Variants in MX1 observed in about 807,000 individuals in gnomAD.
MX1 encodes MX dynamin like GTPase 1, also known as interferon-induced GTP-binding protein Mx1.
A neutral mutation model predicts 66.4 loss-of-function variants in MX1; 66 were observed. The ratio of observed to expected loss-of-function variants is 0.99; its 90% CI spans 0.82 to 1.22. The LOEUF (loss-of-function observed/expected upper bound fraction) is 1.22. Among genes scored for constraint, MX1 ranks in the 50% most tolerant of loss-of-function variants. The probability of loss-of-function intolerance (pLI) is 0.00; values close to 1 mark genes in which losing one functional copy is unlikely to be tolerated. For synonymous variants in MX1, 311 were observed against 318.1 expected (o/e 0.98, Z 0.24); for missense variants, 787 against 834.3 (o/e 0.94, Z 0.70).
chr21:41,424,223 T>TTG (rs2090021044), upstream of MX1, among the ~76,000 whole-genome samples: 1 of 95,056 alleles, frequency 1.1e-5, no homozygotes, highest in African/African-American at 5.9e-5. Context: ...CCCAGAGGGG[T>TTG]TGAGTGTGTG....
chr21:41,427,932 G>A (rs968291203), intron 3 of MX1, 66 bp downstream of exon 3: 29 of 152,326 alleles, frequency 1.9e-4, no homozygotes, highest in African/African-American at 6.7e-4. Context: ...TTGAGACAAG[G>A]TCTCACTCTG....
chr21:41,449,372 CA>C, intron 14 of MX1, 77 bp downstream of exon 14: 1 of 1,473,418 alleles, frequency 6.8e-7, no homozygotes, highest in Non-Finnish European at 9.2e-7. Flanking sequence ...CACCAAACTT[CA>C]GCACTTTCCT....
At chr21:41,447,944 G>A (rs1238960896) in intron 13 of MX1, among the ~76,000 whole-genome samples, 1 of 152,164 alleles carries the variant, frequency 6.6e-6, no homozygotes, top group Non-Finnish European at 1.5e-5. Context: ...TGGCCAGGCT[G>A]GTCTCGACCT....
Position 41,458,981 on chromosome 21 carries a change from G to A in MX1, c.*223G>A. On this transcript the variant is annotated 3_prime_UTR_variant, in exon 17 of 17. Coordinates refer to ENST00000398598, the MANE Select transcript of MX1 (RefSeq NM_002462.5). ...TGCACATGAGCTGGCGGGATTGAAG[G>A]ATGCTGTCTTCGTACTGGGAAAGGG... 1.3e-6 allele frequency: 1 copy of A among 748,032 alleles called. No homozygotes were observed. Among genetic ancestry groups the A allele is most frequent in the Non-Finnish European group, 2.1e-6 (1 of 480,642 alleles). 46.3% of individuals were successfully genotyped at this position (748,032 alleles called of 1,614,324 possible). A position where few individuals can be genotyped will look rare whatever the true frequency, so the allele number is the denominator to read the frequency against.
At chr21:41,449,402 C>T (rs2090762130) in intron 14 of MX1, 107 bp downstream of exon 14, 3 of 1,146,070 alleles carry the variant, frequency 2.6e-6, no homozygotes, top group South Asian at 3.1e-5. Context: ...GCATCCCACA[C>T]CAACGAGCAA....
At chr21:41,450,524 C>T (rs952277569) in intron 14 of MX1, among the ~76,000 whole-genome samples, 3 of 152,144 alleles carry the variant, frequency 2.0e-5, no homozygotes, top group Non-Finnish European at 4.4e-5. Context: ...ATACCAAAAC[C>T]TGCAATCATG....
rs370213780 is a variant in MX1 at position 41,441,749 on chromosome 21, G to T, written c.764G>T (p.Gly255Val). 6.2e-7 allele frequency: 1 copy of T among 1,614,066 alleles called. No homozygotes were observed. The highest frequency in any genetic ancestry group is 8.5e-7 in the Non-Finnish European group (1 of 1,180,042). Residue 255 changes from glycine (G) to valine (V), a missense_variant, in exon 10 of 17, where the codon GGA becomes GTA. Gly to Val is a moderately radical substitution (Grantham distance 109, BLOSUM62 -3). Coordinates refer to ENST00000398598, the MANE Select transcript of MX1 (RefSeq NM_002462.5). This position sits in a 1 kb window ranked among gnomAD's most constrained non-coding sequence, Gnocchi z 4.0. Reference sequence around the variant, plus strand: ...ACGAAGCCTGATCTGGTGGACAAAGGAACTGAAGACAAGGTTGTGGACGTG... The same window carrying T: ...ACGAAGCCTGATCTGGTGGACAAAGTAACTGAAGACAAGGTTGTGGACGTG... ...ILTKPDLVDKGTEDKVVDVVR... is the reference protein window; with the variant it reads ...ILTKPDLVDKVTEDKVVDVVR...
intron 10 of MX1, 98 bp downstream of exon 10, chr21:41,442,012 T>TGTGTGTGTGTGTGC (rs200209659): frequency 2.8e-6 from 3 of 1,068,804 alleles, no homozygotes; most frequent in East Asian, 2.5e-5. Context: ...GTGGAGTGTG[T>TGTGTGTGTGTGTGC]GTGTGTGTGT....
At chr21:41,448,115 A>G (rs747280140) in intron 13 of MX1, among the ~76,000 whole-genome samples, 5 of 152,196 alleles carry the variant, frequency 3.3e-5, no homozygotes, top group Non-Finnish European at 7.3e-5. Context: ...ATATTTCCTG[A>G]CTAAAAAAAG....
At chr21:41,448,791 G>C (rs2090736286) in intron 13 of MX1, among the ~76,000 whole-genome samples, 1 of 152,088 alleles carries the variant, frequency 6.6e-6, no homozygotes, top group African/African-American at 2.4e-5. Flanking sequence ...GGGTGACAGA[G>C]CGAGACTCTG....
chr21:41,456,436 T>G (rs1568999952), intron 16 of MX1, among the ~76,000 whole-genome samples: 1 of 152,156 alleles, frequency 6.6e-6, no homozygotes, highest in Non-Finnish European at 1.5e-5. Context: ...CGGAATTTCT[T>G]CTTTTTAGGG....
At chr21:41,457,992 A>G (rs1238870326) in intron 16 of MX1, among the ~76,000 whole-genome samples, 1 of 152,168 alleles carries the variant, frequency 6.6e-6, no homozygotes, top group Non-Finnish European at 1.5e-5. Context: ...AGCAAGTGTC[A>G]GAGTTTCACG....
upstream of MX1, among the ~76,000 whole-genome samples, chr21:41,423,512 A>G (rs548931433): frequency 3.0e-4 from 45 of 152,098 alleles, no homozygotes; most frequent in Non-Finnish European, 5.1e-4. Context: ...CCTAATTAGT[A>G]TTTTAGTGAG....
intron 12 of MX1, chr21:41,445,791 T>C (rs1409642072): frequency 7.3e-6 from 6 of 824,804 alleles, no homozygotes; most frequent in Non-Finnish European, 1.1e-5. Context: ...TTGTGCCTAC[T>C]CTGTCACGAG....
chr21:41,435,748 G>A (rs2090339403), intron 5 of MX1, 89 bp from the exon 6 acceptor site: 1 of 1,395,036 alleles, frequency 7.2e-7, no homozygotes, highest in South Asian at 1.3e-5. Flanking sequence ...TACAATTCGA[G>A]ATGAGATTTG....
intron 14 of MX1, 80 bp from the exon 15 acceptor site, chr21:41,451,087 T>C (rs921551968): frequency 2.1e-6 from 2 of 958,710 alleles, no homozygotes; most frequent in Non-Finnish European, 1.7e-6. Context: ...TCATACCATT[T>C]GATCCTCATA....
chr21:41,457,266 G>T (rs2034355752), intron 16 of MX1, among the ~76,000 whole-genome samples: 1 of 152,146 alleles, frequency 6.6e-6, no homozygotes, highest in Non-Finnish European at 1.5e-5. Flanking sequence ...TCTACATTTT[G>T]TCATTTGCTT....
chr21:41,451,320 A>T, intron 15 of MX1, 77 bp downstream of exon 15: 2 of 945,414 alleles, frequency 2.1e-6, no homozygotes, highest in Non-Finnish European at 3.3e-6. Context: ...GATTTCTTGG[A>T]TGAGGATTAT....
upstream of MX1, among the ~76,000 whole-genome samples, chr21:41,423,545 C>T (rs549283089): frequency 1.3e-5 from 2 of 152,246 alleles, no homozygotes; most frequent in South Asian, 4.1e-4. Flanking sequence ...CCTGATTGGT[C>T]GGGTGTGAGC....
Sources: gnomAD v4.1 joint callset for allele counts (sites outside exome capture counted in the v4.1 genomes callset) on GRCh38, gnomAD v4.1.1 for gene constraint, Gnocchi (gnomAD v3.1) non-coding constraint, MANE v1.5 for transcripts, NCBI Gene and HGNC (gene_info 2026-07-23, HGNC 2026-07-21) for gene names.